Variants in SHISA8 observed in about 807,000 individuals in gnomAD.
The protein encoded by SHISA8 is shisa family member 8.
In SHISA8, 21 loss-of-function variants were observed where a neutral mutation model predicts 21.1. The ratio of observed to expected loss-of-function variants is 0.99; its 90% CI spans 0.71 to 1.43. The LOEUF is 1.43. Among genes scored for constraint, SHISA8 ranks in the 40% most tolerant of loss-of-function variants. The pLI is 0.00. For missense variants in SHISA8, 535 were observed against 599.1 expected (o/e 0.89, Z 1.12); for synonymous variants, 300 against 291.4 (o/e 1.03, Z -0.30).
In SHISA8 at chr22:41,910,585, C is replaced by T. The variant is rs1397519372; in HGVS notation, c.665-31G>A. 8 of 1,219,506 alleles carry T rather than the reference C, an allele frequency of 6.6e-6. No homozygotes were observed. The highest frequency in any genetic ancestry group is 8.2e-6 in the Non-Finnish European group (8 of 979,546). The allele number at this position is 1,219,506 out of a possible 1,614,324, so 75.5% of individuals were successfully genotyped here. On this transcript the variant is annotated intron_variant, in intron 2 of 3. Transcript: ENST00000621082. This position sits in a 1 kb window ranked among gnomAD's most constrained non-coding sequence, Gnocchi z 6.8. ...GCGAGGAGTGAGACGCGGCTCGGTC[C>T]GATGCCCCGGTTCACTCCGCCCTCG...
At position 41,910,293 on chromosome 22, in the gene SHISA8, C is replaced by G; in HGVS notation, c.811+115G>C. ...CGCTGGGGCGAGGGAGCCGATTGGC[C>G]GAGCGGCGGGCGCGCGGAACTGGGA... On this transcript the variant is annotated intron_variant, in intron 3 of 3. Coordinates refer to ENST00000621082, the MANE Select transcript of SHISA8 (RefSeq NM_001207020.3). This position sits in a 1 kb window ranked among gnomAD's most constrained non-coding sequence, Gnocchi z 6.8. 1 of 1,234,342 alleles carries G rather than the reference C, an allele frequency of 8.1e-7. No homozygotes were observed. The highest frequency in any genetic ancestry group is 1.0e-6 in the Non-Finnish European group (1 of 987,572). The allele number at this position is 1,234,342 out of a possible 1,614,324, so 76.5% of individuals were successfully genotyped here.
intron 1 of SHISA8, among the ~76,000 whole-genome samples, chr22:41,913,431 C>T (rs1337461934): frequency 6.6e-6 from 1 of 152,210 alleles, no homozygotes; most frequent in Non-Finnish European, 1.5e-5. Context: ...GGTCAGGACA[C>T]ATAGAGTCCT....
chr22:41,912,709 G>C (rs897176270), intron 1 of SHISA8, among the ~76,000 whole-genome samples: 28 of 152,178 alleles, frequency 1.8e-4, no homozygotes, highest in African/African-American at 6.5e-4. Context: ...TCCCATTCCA[G>C]GTCTCCCCAG....
chr22:41,914,270 G>A lies in SHISA8; in HGVS notation c.398C>T (p.Pro133Leu), dbSNP rs1020926330. ...RARDTAAPRD[P>L]GRERSHTAVY... Reference sequence around the variant, plus strand: ...GGCCGTATGGCTGCGCTCGCGGCCGGGGTCCCGGGGCGCTGCGGTGTCGCG... The same window carrying A: ...GGCCGTATGGCTGCGCTCGCGGCCGAGGTCCCGGGGCGCTGCGGTGTCGCG... Residue 133 changes from proline to leucine, a missense_variant, in exon 1 of 4, where the codon CCC (proline) becomes CTC (leucine). Coordinates refer to ENST00000621082, the MANE Select transcript of SHISA8 (RefSeq NM_001207020.3). The surrounding 1 kb of genome is among the most constrained non-coding windows in gnomAD (Gnocchi z 6.8). 3.1e-6 allele frequency: 4 copies of A among 1,282,268 alleles called. No homozygotes were observed. The highest frequency in any genetic ancestry group is 3.9e-6 in the Non-Finnish European group (4 of 1,019,698). 79.4% of individuals were successfully genotyped at this position (1,282,268 alleles called of 1,614,324 possible).
rs2077533359 is a variant in SHISA8, at chr22:41,909,653, TGAGGCAGACAGAAGA to T, written c.*97_*111del. ...GCAGGCTCCAAGACACCACTGCCGT[TGAGGCAGACAGAAGA>T]GCTGGCCTTACGGCAGGCGCTCCTC... On this transcript the variant is annotated 3_prime_UTR_variant, in exon 4 of 4. Transcript: ENST00000621082. 7.7e-7 allele frequency: 1 copy of T among 1,306,952 alleles called. No homozygotes were observed. The highest frequency in any genetic ancestry group is 2.1e-5 in the South Asian group (1 of 46,710). 81.0% of individuals were successfully genotyped at this position (1,306,952 alleles called of 1,614,324 possible).
At position 41,914,440 on chromosome 22, in the gene SHISA8, G is replaced by A; in HGVS notation, c.228C>T (p.Cys76=). 2 of 1,359,446 alleles carry A rather than the reference G, an allele frequency of 1.5e-6. No homozygotes were observed. The highest frequency in any genetic ancestry group is 1.9e-6 in the Non-Finnish European group (2 of 1,052,516). 84.2% of individuals were successfully genotyped at this position (1,359,446 alleles called of 1,614,324 possible). ...AGCAGAAGCTGTAGGCTCCGGAGCT[G>A]CAGTTGAAGGGCGGGTCCCACTGGC... ...VMGQWDPPFN[C]SSGAYSFCCG... is the part of the protein sequence containing the mutation. The change falls in exon 1 of 4, where the codon TGC becomes TGT. Residue 76 remains cysteine, a synonymous_variant. Transcript: ENST00000621082. This position sits in a 1 kb window ranked among gnomAD's most constrained non-coding sequence, Gnocchi z 6.8.
rs1157849811 is a variant in SHISA8 at position 41,910,771 on chromosome 22, C to CG, written c.665-218dup. On this transcript the variant is annotated intron_variant, in intron 2 of 3. Transcript: ENST00000621082. The surrounding 1 kb of genome is among the most constrained non-coding windows in gnomAD (Gnocchi z 6.8). ...CGCGCAGCGGCGGCGGCAGCCAGCC[C>CG]GGGGGGTGCCACCCTCATGAACGGC... Among the ~76,000 whole-genome samples, 1 of 152,122 alleles carries CG rather than the reference C, an allele frequency of 6.6e-6. No individual in the cohort carries two copies. Among genetic ancestry groups the CG allele is most frequent in the Non-Finnish European group, 1.5e-5 (1 of 68,002 alleles).
Position 41,911,314 on chromosome 22 carries a change from TG to T in SHISA8, c.565del (p.Gln189ArgfsTer62). On this transcript the variant is annotated frameshift_variant, in exon 2 of 4. Coordinates refer to ENST00000621082, the MANE Select transcript of SHISA8 (RefSeq NM_001207020.3). LOFTEE classifies it high-confidence loss of function. ...LTELLKQPGPQEPLPPTLGPP... is the reference protein window; with the variant it reads ...LTELLKQPGPXEPLPPTLGPP... ...GCCCAGGGTGGGAGGCAGTGGCTCC[TG>T]GGGGCCCGGCTGCTTCAGAAGCTCT... 3.2e-6 allele frequency: 4 copies of T among 1,246,718 alleles called. No homozygotes were observed. The highest frequency in any genetic ancestry group is 3.2e-5 in the East Asian group (1 of 31,722). 77.2% of individuals were successfully genotyped at this position (1,246,718 alleles called of 1,614,324 possible).
intron 1 of SHISA8, 52 bp from the exon 2 acceptor site, chr22:41,911,401 C>T: frequency 8.1e-7 from 1 of 1,230,402 alleles, no homozygotes; most frequent in Non-Finnish European, 1.0e-6. Flanking sequence ...TCATCAAAAG[C>T]CAGCCCCGGC....
Position 41,914,132 on chromosome 22 carries a change from GC to G in SHISA8, c.530+5del. The G allele has an allele frequency of 1.4e-6, 2 of 1,409,648 alleles. No individual in the cohort carries two copies. Among genetic ancestry groups the G allele is most frequent in the Non-Finnish European group, 1.8e-6 (2 of 1,093,456 alleles). The allele number at this position is 1,409,648 out of a possible 1,614,324, so 87.3% of individuals were successfully genotyped here. On this transcript the variant is annotated splice_donor_5th_base_variant and intron_variant, in intron 1 of 3. Coordinates refer to ENST00000621082, the MANE Select transcript of SHISA8 (RefSeq NM_001207020.3). This position sits in a 1 kb window ranked among gnomAD's most constrained non-coding sequence, Gnocchi z 6.8. Reference sequence around the variant, plus strand: ...AGGCGGGGGTCCCTGGGCGGCGCGTGCTCACCTGGTCACTGTGCGCCGCGCG... The same window carrying G: ...AGGCGGGGGTCCCTGGGCGGCGCGTGTCACCTGGTCACTGTGCGCCGCGCG...
chr22:41,909,816 G>A lies in SHISA8; in HGVS notation c.1143C>T (p.Gly381=). Residue 381 remains glycine, a synonymous_variant, in exon 4 of 4, where the codon GGC becomes GGT. Transcript: ENST00000621082. The stretch of plus-strand genomic sequence containing the variant: ...TGGTCCTTAGGTACCGGGACCCGCG[G>A]CCCGCGCTGCCGTAAAGGCCGGGGA... ...PQLPGLYGSA[G]RGSRYLRTNS... is the part of the protein sequence containing the mutation. The A allele has an allele frequency of 6.6e-7, 1 of 1,519,404 alleles. No homozygotes were observed. Among genetic ancestry groups the A allele is most frequent in the Non-Finnish European group, 8.8e-7 (1 of 1,139,352 alleles). 94.1% of individuals were successfully genotyped at this position (1,519,404 alleles called of 1,614,324 possible). A position where few individuals can be genotyped will look rare whatever the true frequency, so the allele number is the denominator to read the frequency against.
At position 41,914,213 on chromosome 22, in the gene SHISA8, A is replaced by G; in HGVS notation, c.455T>C (p.Leu152Pro). ...VYAVCGVAAL[L>P]VLAGIGARLG... The stretch of plus-strand genomic sequence containing the variant: ...GCGCGCCCCGATGCCGGCCAGCACC[A>G]GCAGCGCTGCGACGCCGCACACAGC... The change falls in exon 1 of 4, where the codon CTG becomes CCG. Residue 152 changes from leucine (L) to proline (P), a missense_variant. Leu to Pro is a moderately conservative substitution (Grantham distance 98). Transcript: ENST00000621082. This position sits in a 1 kb window ranked among gnomAD's most constrained non-coding sequence, Gnocchi z 6.8. The G allele has an allele frequency of 6.9e-7, 1 of 1,458,156 alleles. No individual in the cohort carries two copies. The highest frequency in any genetic ancestry group is 1.3e-5 in the South Asian group (1 of 75,202). 90.3% of individuals were successfully genotyped at this position (1,458,156 alleles called of 1,614,324 possible).
At position 41,909,680 on chromosome 22, in the gene SHISA8, G is replaced by C. The variant is rs1365926880; in HGVS notation, c.*85C>G. 3.0e-6 allele frequency: 4 copies of C among 1,322,436 alleles called. No individual in the cohort carries two copies. Among genetic ancestry groups the C allele is most frequent in the African/African-American group, 3.1e-5 (2 of 65,078 alleles). The allele number at this position is 1,322,436 out of a possible 1,614,324, so 81.9% of individuals were successfully genotyped here. The stretch of plus-strand genomic sequence containing the variant: ...AGGCAGACAGAAGAGCTGGCCTTAC[G>C]GCAGGCGCTCCTCTCCCTGTGGCCT... On this transcript the variant is annotated 3_prime_UTR_variant, in exon 4 of 4. Transcript: ENST00000621082.
chr22:41,914,462 T>C lies in SHISA8; in HGVS notation c.206A>G (p.Gln69Arg). 4 of 1,339,714 alleles carry C rather than the reference T, an allele frequency of 3.0e-6. 1 individual carries two copies. The highest frequency in any genetic ancestry group is 3.8e-6 in the Non-Finnish European group (4 of 1,041,622). The allele number at this position is 1,339,714 out of a possible 1,614,324, so 83.0% of individuals were successfully genotyped here. ...RCRGYYDVMGQWDPPFNCSSG... is the reference protein window; with the variant it reads ...RCRGYYDVMGRWDPPFNCSSG... ...GCTGCAGTTGAAGGGCGGGTCCCAC[T>C]GGCCCATCACGTCGTAGTAGCCGCG... Residue 69 changes from glutamine (Q) to arginine (R), a missense_variant, in exon 1 of 4, where the codon CAG becomes CGG. Physicochemically the swap from Gln to Arg is conservative, Grantham distance 43. Coordinates refer to ENST00000621082, the MANE Select transcript of SHISA8 (RefSeq NM_001207020.3). The surrounding 1 kb of genome is among the most constrained non-coding windows in gnomAD (Gnocchi z 6.8).
Position 41,910,045 on chromosome 22 carries a change from G to T in SHISA8, c.914C>A (p.Pro305Gln). ...CGGGGCCCAGGGGCAGGCGTCCAGC[G>T]GCGCAGGCAAGTCCGGGGATGGTCG... ...APRPSPDLPAPLDACPWAPPV... is the reference protein window; with the variant it reads ...APRPSPDLPAQLDACPWAPPV... The change falls in exon 4 of 4, where the codon CCG becomes CAG. Residue 305 changes from proline to glutamine, a missense_variant. By Grantham distance (76) the Pro-to-Gln change is moderately conservative (BLOSUM62 -1). Coordinates refer to ENST00000621082, the MANE Select transcript of SHISA8 (RefSeq NM_001207020.3). The surrounding 1 kb of genome is among the most constrained non-coding windows in gnomAD (Gnocchi z 6.8). 8.0e-7 allele frequency: 1 copy of T among 1,255,348 alleles called. No homozygotes were observed. The highest frequency in any genetic ancestry group is 4.3e-5 in the Admixed American group (1 of 23,526). 77.8% of individuals were successfully genotyped at this position (1,255,348 alleles called of 1,614,324 possible).
At chr22:41,912,512 C>T (rs1464492398) in intron 1 of SHISA8, among the ~76,000 whole-genome samples, 1 of 152,188 alleles carries the variant, frequency 6.6e-6, no homozygotes, top group Admixed American at 6.5e-5. Flanking sequence ...GCAAGCACCT[C>T]AAGCTCCTGT....
intron 1 of SHISA8, among the ~76,000 whole-genome samples, chr22:41,911,839 C>T (rs1327470343): frequency 2.6e-5 from 4 of 152,172 alleles, no homozygotes; most frequent in Non-Finnish European, 5.9e-5. Context: ...TCCACCTCCC[C>T]GGTTCAAGTG....
chr22:41,912,054 G>A (rs1250671708), intron 1 of SHISA8, among the ~76,000 whole-genome samples: 1 of 152,218 alleles, frequency 6.6e-6, no homozygotes, highest in Admixed American at 6.5e-5. Context: ...TTACCTGCCT[G>A]CCTAACTGCC....
chr22:41,912,074 G>A (rs1196097993), intron 1 of SHISA8, among the ~76,000 whole-genome samples: 3 of 152,174 alleles, frequency 2.0e-5, no homozygotes, highest in East Asian at 1.9e-4. Context: ...CCCTGCAGCC[G>A]CGGCTTCTGC....
Sources: gnomAD v4.1 joint callset for allele counts (sites outside exome capture counted in the v4.1 genomes callset) on GRCh38, gnomAD v4.1.1 for gene constraint, Gnocchi (gnomAD v3.1) non-coding constraint, MANE v1.5 for transcripts, NCBI Gene and HGNC (gene_info 2026-07-23, HGNC 2026-07-21) for gene names.